Variants in NPAS1 observed in about 807,000 individuals in gnomAD.
NPAS1 encodes the protein neuronal PAS domain-containing protein 1.
NPAS1 carries 29 observed loss-of-function variants against 49.2 expected under a neutral mutation model. The ratio of observed to expected loss-of-function variants is 0.59; its 90% CI spans 0.44 to 0.80. The LOEUF (loss-of-function observed/expected upper bound fraction) is 0.80. Ranked by LOEUF, NPAS1 falls within the 30% of genes least tolerant of loss-of-function variation. The pLI is 0.00. For synonymous variants in NPAS1, 408 were observed against 380.4 expected, an observed-to-expected ratio of 1.07 and a Z score of -0.84; for missense variants, 825 against 835.5, an observed-to-expected ratio of 0.99 and a Z score of 0.15.
At chr19:47,040,896 G>A (rs895707476) in intron 9 of NPAS1, 82 bp from the exon 10 acceptor site, 3 of 1,218,164 alleles carry the variant, frequency 2.5e-6, no homozygotes, top group Non-Finnish European at 3.3e-6. Flanking sequence ...CACTCCTCCT[G>A]TCTCCTCCTG....
chr19:47,043,483 G>A (rs1480951029), intron 11 of NPAS1, among the ~76,000 whole-genome samples: 4 of 151,988 alleles, frequency 2.6e-5, no homozygotes, highest in Admixed American at 6.6e-5. Flanking sequence ...CCAACTACTC[G>A]GGAGGCTAAG....
intron 9 of NPAS1, chr19:47,040,766 T>C: frequency 1.7e-6 from 1 of 590,824 alleles, no homozygotes; most frequent in Non-Finnish European, 3.0e-6. Context: ...GGCTGTGGGG[T>C]CTCCAAAACA....
intron 5 of NPAS1, 93 bp downstream of exon 5, chr19:47,032,825 C>G: frequency 1.1e-6 from 1 of 923,334 alleles, no homozygotes; most frequent in Non-Finnish European, 1.7e-6. Flanking sequence ...CTCACCATAG[C>G]AGCAAGAAAA....
intron 11 of NPAS1, among the ~76,000 whole-genome samples, chr19:47,044,126 T>C (rs1033970157): frequency 2.6e-4 from 39 of 152,260 alleles, no homozygotes; most frequent in African/African-American, 9.4e-4. Flanking sequence ...CAGGTTGGAG[T>C]GCAATAGCAC....
At chr19:47,025,958 G>T (rs1225494843) in intron 3 of NPAS1, among the ~76,000 whole-genome samples, 5 of 148,170 alleles carry the variant, frequency 3.4e-5, no homozygotes, top group Non-Finnish European at 7.5e-5. Context: ...TGTTTTTTTT[G>T]AGACAGAGTC....
chr19:47,045,665 T>C lies in NPAS1; in HGVS notation c.*14T>C. On this transcript the variant is annotated 3_prime_UTR_variant, in exon 12 of 12. Transcript: ENST00000602212. ...AAGGGGGACTGAGGACTGGCAGAGC[T>C]GCCGGCGCCGGACCCTGCGACAACC... The C allele has an allele frequency of 7.1e-7, 1 of 1,408,920 alleles. No individual in the cohort carries two copies. Among genetic ancestry groups the C allele is most frequent in the Non-Finnish European group, 9.2e-7 (1 of 1,091,238 alleles). The allele number at this position is 1,408,920 out of a possible 1,614,324, so 87.3% of individuals were successfully genotyped here. A position where few individuals can be genotyped will look rare whatever the true frequency, so the allele number is the denominator to read the frequency against.
intron 9 of NPAS1, 188 bp downstream of exon 9, chr19:47,040,738 T>TTG: frequency 4.0e-6 from 2 of 498,324 alleles, no homozygotes; most frequent in Non-Finnish European, 7.2e-6. Flanking sequence ...GATGTGTGTG[T>TTG]GGGGGGGGGG....
chr19:47,030,636 C>CTTTTTTTTTTT (rs55931402), intron 3 of NPAS1, among the ~76,000 whole-genome samples: 2 of 96,788 alleles, frequency 2.1e-5, no homozygotes, highest in Non-Finnish European at 2.0e-5. Flanking sequence ...GGCCCTTTGC[C>CTTTTTTTTTTT]TTTTTTTTTT....
Position 47,019,889 on chromosome 19 carries a change from C to T in NPAS1, c.-151C>T. ...CCACAGCCCGCGCGTCCCGCTGCGC[C>T]CCGCGCGCCCCGGGGTCTATGGAGC... is the stretch of plus-strand genomic sequence containing the variant. On this transcript the variant is annotated 5_prime_UTR_variant, in exon 1 of 12. Transcript: ENST00000602212. 1 of 361,014 alleles carries T rather than the reference C, an allele frequency of 2.8e-6. No homozygotes were observed. Among genetic ancestry groups the T allele is most frequent in the Non-Finnish European group, 5.0e-6 (1 of 201,916 alleles). The allele number at this position is 361,014 out of a possible 1,614,324, so 22.4% of individuals were successfully genotyped here.
At chr19:47,045,148 G>T in intron 11 of NPAS1, 43 bp from the exon 12 acceptor site, 1 of 1,584,572 alleles carries the variant, frequency 6.3e-7, no homozygotes, top group South Asian at 1.1e-5. Flanking sequence ...GGAAGACTGA[G>T]GGCTGGGGAC....
chr19:47,043,427 A>G (rs936791584), intron 11 of NPAS1, among the ~76,000 whole-genome samples: 2 of 151,900 alleles, frequency 1.3e-5, no homozygotes, highest in African/African-American at 4.8e-5. Context: ...ATCTCTACTA[A>G]AAATACAAAA....
Position 47,045,346 on chromosome 19 carries a change from C to G in NPAS1, c.1468C>G (p.Pro490Ala), listed in dbSNP as rs371251365. ...GGATCCCTCCAGCCACCCGGCCACA[C>G]CGAGGCCCGAGTTCACCTCTGTCAT... ...DEDPSSHPAT[P>A]RPEFTSVIRA... The change falls in exon 12 of 12, where the codon CCG becomes GCG. Residue 490 changes from proline (P) to alanine (A), a missense_variant. Coordinates refer to ENST00000602212, the MANE Select transcript of NPAS1 (RefSeq NM_002517.4). 6.8e-6 allele frequency: 11 copies of G among 1,613,820 alleles called. No individual in the cohort carries two copies. Among genetic ancestry groups the G allele is most frequent in the Non-Finnish European group, 9.3e-6 (11 of 1,179,990 alleles).
chr19:47,032,782 C>T (rs376788778), intron 5 of NPAS1, 50 bp downstream of exon 5: 4 of 1,324,944 alleles, frequency 3.0e-6, no homozygotes, highest in Non-Finnish European at 4.4e-6. Context: ...ATCTCCCTTG[C>T]CAGGCCTATG....
At chr19:47,020,652 C>A (rs1196829800) in intron 1 of NPAS1, among the ~76,000 whole-genome samples, 7 of 151,962 alleles carry the variant, frequency 4.6e-5, no homozygotes, top group Non-Finnish European at 1.0e-4. Flanking sequence ...CCGGGAGGCG[C>A]CCGCCCCCCG....
Position 47,041,091 on chromosome 19 carries a change from G to A in NPAS1, c.1183G>A (p.Glu395Lys), listed in dbSNP as rs769502730. ...TVAGSGKSPG[E>K]HHVLWVSHVL... ...GGCTGGGAGCGGGAAGAGCCCCGGG[G>A]AGCACCATGTGCTTTGGGTCAGCCA... Residue 395 changes from glutamate to lysine, a missense_variant, in exon 10 of 12, where the codon GAG becomes AAG. Physicochemically the swap from Glu to Lys is moderately conservative, Grantham distance 56. Transcript: ENST00000602212. 8 of 1,596,874 alleles carry A rather than the reference G, an allele frequency of 5.0e-6. No individual in the cohort carries two copies. The highest frequency in any genetic ancestry group is 6.8e-6 in the Non-Finnish European group (8 of 1,175,404).
intron 3 of NPAS1, among the ~76,000 whole-genome samples, chr19:47,028,839 G>A (rs2056889339): frequency 6.6e-6 from 1 of 152,088 alleles, no homozygotes; most frequent in Non-Finnish European, 1.5e-5. Context: ...GTTGTCCTCT[G>A]CAGGGTCAGG....
chr19:47,021,585 G>T lies in NPAS1; in HGVS notation c.123-27G>T, dbSNP rs1376629106. ...AGCCCCTGAGCCCCGGGGCCCCGCC[G>T]ACACCTCCTCCGCGCCGCCCGCCCA... is the stretch of plus-strand genomic sequence containing the variant. On this transcript the variant is annotated intron_variant, in intron 2 of 11. Transcript: ENST00000602212. The surrounding 1 kb of genome is among the most constrained non-coding windows in gnomAD (Gnocchi z 5.7). 8.4e-6 allele frequency: 12 copies of T among 1,425,596 alleles called. No individual in the cohort carries two copies. Among genetic ancestry groups the T allele is most frequent in the Non-Finnish European group, 1.1e-5 (12 of 1,087,794 alleles). 88.3% of individuals were successfully genotyped at this position (1,425,596 alleles called of 1,614,324 possible). A position where few individuals can be genotyped will look rare whatever the true frequency, so the allele number is the denominator to read the frequency against.
Position 47,036,145 on chromosome 19 carries a change from C to G in NPAS1, c.688+16C>G. On this transcript the variant is annotated intron_variant, in intron 6 of 11. Coordinates refer to ENST00000602212, the MANE Select transcript of NPAS1 (RefSeq NM_002517.4). ...CCCGAGATCGGTAATTCTAAGGGCT[C>G]CTAAAGAATGAAGTCTGAGGGTAGA... 2 of 1,551,618 alleles carry G rather than the reference C, an allele frequency of 1.3e-6. No individual in the cohort carries two copies. The highest frequency in any genetic ancestry group is 1.7e-6 in the Non-Finnish European group (2 of 1,147,898).
At chr19:47,040,580 C>A in intron 9 of NPAS1, 30 bp downstream of exon 9, 2 of 1,458,546 alleles carry the variant, frequency 1.4e-6, no homozygotes, top group Non-Finnish European at 9.4e-7. Context: ...ACCAAGCCTG[C>A]CTACCACCCC....
Sources: allele counts gnomAD v4.1 joint callset (sites outside exome capture counted in the v4.1 genomes callset), GRCh38; gene constraint gnomAD v4.1.1; non-coding constraint Gnocchi (gnomAD v3.1); transcripts MANE v1.5; gene names NCBI Gene and HGNC (gene_info 2026-07-23, HGNC 2026-07-21).